NPR3: variants seen among roughly 807,000 people sequenced by gnomAD.
The protein encoded by NPR3 is natriuretic peptide receptor 3.
NPR3 carries 34 observed loss-of-function variants against 54.5 expected under a neutral mutation model. That is an observed-to-expected ratio of 0.62 (90% CI 0.47 to 0.83). The LOEUF (loss-of-function observed/expected upper bound fraction) is 0.83, where lower values mean the gene tolerates loss of function less well. Ranked by LOEUF, NPR3 falls within the 40% of genes least tolerant of loss-of-function variation. The probability of loss-of-function intolerance (pLI) is 0.00; values close to 1 mark genes in which losing one functional copy is unlikely to be tolerated. For synonymous variants in NPR3, 289 were observed against 297.1 expected, an observed-to-expected ratio of 0.97 and a Z score of 0.28; for missense variants, 674 against 720.8, an observed-to-expected ratio of 0.94 and a Z score of 0.74.
chr5:32,746,307 G>A (rs978223885), intron 3 of NPR3, among the ~76,000 whole-genome samples: 2 of 152,192 alleles, frequency 1.3e-5, no homozygotes, highest in African/African-American at 2.4e-5. Context: ...GTAAGTGCAC[G>A]TGTGTATACT....
chr5:32,784,968 C>A, intron 7 of NPR3, 85 bp downstream of exon 7: 1 of 1,112,062 alleles, frequency 9.0e-7, no homozygotes, highest in Non-Finnish European at 1.4e-6. Context: ...GTGATTTGTC[C>A]ACATCCCTCT....
In NPR3 at chr5:32,768,077, C is replaced by T. The variant is rs530569659; in HGVS notation, c.1060-6631C>T. 1.5e-3 allele frequency among the ~76,000 whole-genome samples: 233 copies of T among 152,304 alleles called. 3 individuals carry two copies. In the Middle Eastern group the frequency reaches 0.027, roughly 18 times the overall value. On this transcript the variant is annotated intron_variant, in intron 3 of 7. Transcript: ENST00000265074. Reference sequence around the variant, plus strand: ...CTCCTGATCCTGCTCCTCTTCCCGCCCTTCTCCTGTTGGGTTTTGGTTTAT... The same window carrying T: ...CTCCTGATCCTGCTCCTCTTCCCGCTCTTCTCCTGTTGGGTTTTGGTTTAT...
At chr5:32,713,419 G>T in intron 1 of NPR3, 1 of 985,468 alleles carries the variant, frequency 1.0e-6, no homozygotes, top group Non-Finnish European at 1.2e-6. Flanking sequence ...GTAATCGCCA[G>T]TGTGGCCCAT....
Position 32,711,815 on chromosome 5 carries a change from A to C in NPR3, c.39A>C (p.Val13=). 1 of 1,451,498 alleles carries C rather than the reference A, an allele frequency of 6.9e-7. No individual in the cohort carries two copies. Among genetic ancestry groups the C allele is most frequent in the Non-Finnish European group, 9.1e-7 (1 of 1,102,842 alleles). The allele number at this position is 1,451,498 out of a possible 1,614,324, so 89.9% of individuals were successfully genotyped here. A position where few individuals can be genotyped will look rare whatever the true frequency, so the allele number is the denominator to read the frequency against. The stretch of plus-strand genomic sequence containing the variant: ...TGGTGCTCACTTTCTCCCCGTGCGT[A>C]CTACTCGGCTGGGCGTTGCTGGCCG... ...SLLVLTFSPC[V]LLGWALLAGG... Residue 13 remains valine, a synonymous_variant, in exon 1 of 8, where the codon GTA becomes GTC. Coordinates refer to ENST00000265074, the MANE Select transcript of NPR3 (RefSeq NM_001204375.2).
At chr5:32,731,136 T>C (rs781218572) in intron 2 of NPR3, among the ~76,000 whole-genome samples, 9 of 152,240 alleles carry the variant, frequency 5.9e-5, no homozygotes, top group Non-Finnish European at 1.3e-4. Flanking sequence ...GAAGCCATAC[T>C]ATATGACTTA....
intron 1 of NPR3, among the ~76,000 whole-genome samples, chr5:32,722,451 G>A (rs1401733013): frequency 6.6e-6 from 1 of 152,190 alleles, no homozygotes; most frequent in African/African-American, 2.4e-5. Flanking sequence ...AATTTAAACA[G>A]TATGCATTTC....
Position 32,787,664 on chromosome 5 carries a change from G to A in NPR3, c.*1319G>A, listed in dbSNP as rs1742707982. On this transcript the variant is annotated 3_prime_UTR_variant, in exon 8 of 8. Coordinates refer to ENST00000265074, the MANE Select transcript of NPR3 (RefSeq NM_001204375.2). The stretch of plus-strand genomic sequence containing the variant: ...GCATCCATGAATACCTGTAATAGTG[G>A]GTTAGGTGTGGAGATAAGGAATTTG... The A allele has an allele frequency of 3.9e-5, 6 of 152,184 alleles. No homozygotes were observed. The highest frequency in any genetic ancestry group is 3.9e-4 in the Admixed American group (6 of 15,268). The allele number at this position is 152,184 out of a possible 1,614,324, so 9.4% of individuals were successfully genotyped here. A position where few individuals can be genotyped will look rare whatever the true frequency, so the allele number is the denominator to read the frequency against.
At chr5:32,739,183 GTT>G (rs368679421) in intron 3 of NPR3, among the ~76,000 whole-genome samples, 153 bp downstream of exon 3, 6 of 130,246 alleles carry the variant, frequency 4.6e-5, no homozygotes, top group East Asian at 4.1e-4. Flanking sequence ...GTGTGTGTGT[GTT>G]TTTTTTTTTT....
chr5:32,697,019 C>T (rs1478589794), intron 1 of NPR3, among the ~76,000 whole-genome samples: 1 of 152,042 alleles, frequency 6.6e-6, no homozygotes, highest in African/African-American at 2.4e-5. Context: ...ACTTCCAGTA[C>T]TATGTTTAAT....
chr5:32,771,046 C>T (rs1181209468), intron 3 of NPR3, among the ~76,000 whole-genome samples: 1 of 151,936 alleles, frequency 6.6e-6, no homozygotes, highest in Non-Finnish European at 1.5e-5. Flanking sequence ...TAACTTCATA[C>T]ATGGTTTTTT....
Position 32,788,601 on chromosome 5 carries a change from T to C in NPR3, c.*2256T>C, listed in dbSNP as rs1742752539. On this transcript the variant is annotated 3_prime_UTR_variant, in exon 8 of 8. Transcript: ENST00000265074. ...TGGTTGCAGTCTTTGAGTATAAACA[T>C]TTCTAACCTTTTTAAAACTTCTATA... The C allele has an allele frequency of 6.6e-6, 1 of 152,250 alleles. No homozygotes were observed. The highest frequency in any genetic ancestry group is 2.4e-5 in the African/African-American group (1 of 41,482). 9.4% of individuals were successfully genotyped at this position (152,250 alleles called of 1,614,324 possible).
At chr5:32,758,461 T>C (rs922988866) in intron 3 of NPR3, among the ~76,000 whole-genome samples, 6 of 152,218 alleles carry the variant, frequency 3.9e-5, no homozygotes, top group Non-Finnish European at 5.9e-5. Flanking sequence ...CCCTTTATAA[T>C]TTTTTATTGC....
intron 3 of NPR3, among the ~76,000 whole-genome samples, chr5:32,766,774 G>A (rs1223143212): frequency 6.6e-6 from 1 of 152,202 alleles, no homozygotes; most frequent in Admixed American, 6.5e-5. Context: ...TGGTGGAGCT[G>A]CTGATGTGTT....
In NPR3 at chr5:32,751,297, G is replaced by GGATATA. The variant is rs1740561493; in HGVS notation, c.1059+12268_1059+12273dup. On this transcript the variant is annotated intron_variant, in intron 3 of 7. Coordinates refer to ENST00000265074, the MANE Select transcript of NPR3 (RefSeq NM_001204375.2). ...AGAGAAAAAGGTGAAAAATATTTGA[G>GGATATA]GATATAAACTTGTTGAAAGGGCCGC... Among the ~76,000 whole-genome samples the GGATATA allele has an allele frequency of 3.3e-5, 5 of 152,268 alleles. 1 individual carries two copies. In the South Asian group the frequency reaches 1.0e-3, roughly 32 times the overall value.
At position 32,762,196 on chromosome 5, in the gene NPR3, A is replaced by G. The variant is rs142682898; in HGVS notation, c.1060-12512A>G. 4.8e-3 allele frequency among the ~76,000 whole-genome samples: 730 copies of G among 152,158 alleles called. 4 individuals are homozygous for G. The highest frequency in any genetic ancestry group is 0.017 in the African/African-American group (697 of 41,514). ...ATTTTCTTTATCCAGTCTACCAGAGATGGGCATTTGGGTTGGTTCCAAGTC... is the reference window on the plus strand; with the variant it reads ...ATTTTCTTTATCCAGTCTACCAGAGGTGGGCATTTGGGTTGGTTCCAAGTC... On this transcript the variant is annotated intron_variant, in intron 3 of 7. Transcript: ENST00000265074.
chr5:32,769,046 T>G (rs951659042), intron 3 of NPR3, among the ~76,000 whole-genome samples: 1 of 152,164 alleles, frequency 6.6e-6, no homozygotes, highest in Admixed American at 6.5e-5. Flanking sequence ...CGTCATCAAG[T>G]GACCAAGTGA....
In NPR3 at chr5:32,698,327, T is replaced by G. The variant is rs548253252; in HGVS notation, c.100+9141T>G. 2.0e-5 allele frequency among the ~76,000 whole-genome samples: 3 copies of G among 152,200 alleles called. No homozygotes were observed. In the East Asian group the frequency reaches 5.8e-4, roughly 29 times the overall value. The stretch of plus-strand genomic sequence containing the variant: ...TTCCCCTTATTTTTTATTTCAAGTT[T>G]TATTCCATTGTGGTCAGAGAAGATG... On this transcript the variant is annotated intron_variant, in intron 1 of 5. Coordinates refer to the NPR3 transcript ENST00000509104.
intron 1 of NPR3, among the ~76,000 whole-genome samples, chr5:32,691,608 C>T (rs752140654): frequency 2.0e-5 from 3 of 152,232 alleles, no homozygotes; most frequent in Non-Finnish European, 4.4e-5. Flanking sequence ...TGAAGGAATC[C>T]TCCTTGTAGA....
intron 3 of NPR3, among the ~76,000 whole-genome samples, chr5:32,752,318 A>G (rs914838339): frequency 1.3e-5 from 2 of 152,210 alleles, no homozygotes; most frequent in Non-Finnish European, 1.5e-5. Context: ...GTTATTTGAA[A>G]AGTTATCAGA....
Sources: allele counts gnomAD v4.1 joint callset (sites outside exome capture counted in the v4.1 genomes callset), GRCh38; gene constraint gnomAD v4.1.1; transcripts MANE v1.5; gene names NCBI Gene and HGNC (gene_info 2026-07-23, HGNC 2026-07-21).